Variants in SEC14L1 observed in about 807,000 individuals in gnomAD.
The protein encoded by SEC14L1 is SEC14-like protein 1.
In SEC14L1, 48 loss-of-function variants were observed where a neutral mutation model predicts 85.3. That is an observed-to-expected ratio of 0.56 (90% confidence interval 0.45 to 0.72). The LOEUF (loss-of-function observed/expected upper bound fraction) is 0.72, where lower values mean the gene tolerates loss of function less well. SEC14L1 is among the 30% of genes least tolerant of loss of function. The probability of loss-of-function intolerance (pLI) is 0.00; values close to 1 mark genes in which losing one functional copy is unlikely to be tolerated. For missense variants in SEC14L1, 682 were observed against 921.4 expected (o/e 0.74, Z 3.36); for synonymous variants, 391 against 355.5 (o/e 1.10, Z -1.12).
At chr17:77,190,261 G>C (rs1975461805) in intron 3 of SEC14L1, among the ~76,000 whole-genome samples, 1 of 152,104 alleles carries the variant, frequency 6.6e-6, no homozygotes, top group South Asian at 2.1e-4. Flanking sequence ...CATCTCTGTT[G>C]AAAATCAGTC....
Position 77,092,638 on chromosome 17 carries a change from A to G in SEC14L1, c.-239-606A>G, listed in dbSNP as rs569596790. Among the ~76,000 whole-genome samples the G allele has an allele frequency of 2.2e-4, 33 of 152,266 alleles. 1 individual carries two copies. Among genetic ancestry groups the G allele is most frequent in the African/African-American group, 7.7e-4 (32 of 41,562 alleles). On this transcript the variant is annotated intron_variant, in intron 2 of 19. Coordinates refer to the SEC14L1 transcript ENST00000392476. Reference sequence around the variant, plus strand: ...TTCTAAGGGCAACGTGGTGGTCTACAGATGACAGCCTGGAGAAAGATGGGT... The same window carrying G: ...TTCTAAGGGCAACGTGGTGGTCTACGGATGACAGCCTGGAGAAAGATGGGT...
chr17:77,155,177 G>GC (rs1329783875), intron 3 of SEC14L1, among the ~76,000 whole-genome samples: 1 of 152,016 alleles, frequency 6.6e-6, no homozygotes, highest in Non-Finnish European at 1.5e-5. Flanking sequence ...CACCCGAGAT[G>GC]CCCCCCAGGA....
intron 3 of SEC14L1, among the ~76,000 whole-genome samples, chr17:77,188,210 C>G (rs1354030405): frequency 6.6e-6 from 1 of 152,228 alleles, no homozygotes; most frequent in Non-Finnish European, 1.5e-5. Context: ...CCAGCACAGT[C>G]AGGATGCTGC....
chr17:77,102,495 CTTCTTTT>C (rs1373785717), intron 3 of SEC14L1, among the ~76,000 whole-genome samples: 1 of 151,820 alleles, frequency 6.6e-6, no homozygotes, highest in Non-Finnish European at 1.5e-5. Context: ...TTTTCTTTCT[CTTCTTTT>C]TTCTTTTTTT....
intron 3 of SEC14L1, among the ~76,000 whole-genome samples, chr17:77,171,590 G>A (rs73376384): frequency 0.029 from 4,423 of 152,262 alleles, 210 homozygotes; most frequent in African/African-American, 0.1. Context: ...CTAAGTTACT[G>A]TTAATGAGGC....
At chr17:77,147,204 C>T (rs1304577603) in intron 3 of SEC14L1, among the ~76,000 whole-genome samples, 2 of 152,088 alleles carry the variant, frequency 1.3e-5, no homozygotes, top group Non-Finnish European at 2.9e-5. Flanking sequence ...CAACTTAATG[C>T]CTTTGTTTGT....
At chr17:77,091,389 C>T (rs969759042) in intron 2 of SEC14L1, among the ~76,000 whole-genome samples, 2 of 151,966 alleles carry the variant, frequency 1.3e-5, no homozygotes, top group Admixed American at 6.6e-5. Flanking sequence ...TGCCCTGCCC[C>T]TTTATGGGTT....
At chr17:77,120,546 G>A (rs1227048954) in intron 3 of SEC14L1, among the ~76,000 whole-genome samples, 5 of 151,730 alleles carry the variant, frequency 3.3e-5, no homozygotes, top group East Asian at 1.9e-4. Context: ...GCACGATCTC[G>A]GCTCACTGTA....
Position 77,206,436 on chromosome 17 carries a change from A to AT in SEC14L1, c.1341+39dup. 1.3e-6 allele frequency: 2 copies of AT among 1,598,106 alleles called. No homozygotes were observed. The highest frequency in any genetic ancestry group is 8.6e-7 in the Non-Finnish European group (1 of 1,168,536). On this transcript the variant is annotated intron_variant, in intron 12 of 16. Transcript: ENST00000436233. This position sits in a 1 kb window ranked among gnomAD's most constrained non-coding sequence, Gnocchi z 4.3. ...ATGCTTTTTGCAGTAACTGTGAGCC[A>AT]TTTGGAAAGCAGATAACATGCATTC... is the stretch of plus-strand genomic sequence containing the variant.
At chr17:77,180,659 C>A (rs1210754014) in intron 3 of SEC14L1, among the ~76,000 whole-genome samples, 1 of 152,122 alleles carries the variant, frequency 6.6e-6, no homozygotes, top group East Asian at 1.9e-4. Flanking sequence ...GCACTTCTTT[C>A]CCTAGTTAAT....
At chr17:77,152,763 C>G (rs1434716159) in intron 3 of SEC14L1, 1 of 152,226 alleles carries the variant, frequency 6.6e-6, no homozygotes, top group Non-Finnish European at 1.5e-5. Flanking sequence ...ATACACAGTT[C>G]ACGTTCATGT....
At chr17:77,137,919 C>G (rs1464558099), upstream of SEC14L1, among the ~76,000 whole-genome samples, 2 of 152,214 alleles carry the variant, frequency 1.3e-5, no homozygotes. Context: ...TAGAGTCATT[C>G]ACACAGAGCT....
intron 3 of SEC14L1, among the ~76,000 whole-genome samples, chr17:77,096,951 C>T (rs1010432282): frequency 6.6e-6 from 1 of 152,182 alleles, no homozygotes; most frequent in Admixed American, 6.5e-5. Context: ...GGAATCAGTC[C>T]AGGTGTCTTG....
At chr17:77,196,167 T>A in intron 7 of SEC14L1, 35 bp from the exon 8 acceptor site, 1 of 1,520,242 alleles carries the variant, frequency 6.6e-7, no homozygotes, top group Non-Finnish European at 9.1e-7. Flanking sequence ...AGCTCCAGTG[T>A]TCTTTGTTGT....
chr17:77,206,540 A>G lies in SEC14L1; in HGVS notation c.1341+140A>G, dbSNP rs890219624. 3.9e-6 allele frequency: 5 copies of G among 1,295,278 alleles called. No individual in the cohort carries two copies. The highest frequency in any genetic ancestry group is 3.0e-5 in the African/African-American group (2 of 66,904). 80.2% of individuals were successfully genotyped at this position (1,295,278 alleles called of 1,614,324 possible). ...ACATGCAAAGATATAAAATTTCTCA[A>G]ATTGTTTAAGAAAGGGGAAAAACAA... On this transcript the variant is annotated intron_variant, in intron 12 of 16. Coordinates refer to ENST00000436233, the MANE Select transcript of SEC14L1 (RefSeq NM_001143998.2). This position sits in a 1 kb window ranked among gnomAD's most constrained non-coding sequence, Gnocchi z 4.3.
At chr17:77,146,152 T>G (rs1240712607) in intron 3 of SEC14L1, among the ~76,000 whole-genome samples, 2 of 152,034 alleles carry the variant, frequency 1.3e-5, no homozygotes, top group Non-Finnish European at 2.9e-5. Context: ...GCCTGACCCT[T>G]GTTCAGTGAG....
At chr17:77,203,888 C>T (rs935986418) in intron 10 of SEC14L1, among the ~76,000 whole-genome samples, 1 of 152,154 alleles carries the variant, frequency 6.6e-6, no homozygotes, top group Non-Finnish European at 1.5e-5. Flanking sequence ...CCCCGAGATG[C>T]CTGTGTAGCA....
chr17:77,146,325 T>C (rs752580902), intron 3 of SEC14L1, among the ~76,000 whole-genome samples: 3 of 152,240 alleles, frequency 2.0e-5, no homozygotes, highest in Non-Finnish European at 2.9e-5. Flanking sequence ...AAAAAGTTCA[T>C]GCAACCCTGA....
chr17:77,127,499 AC>A (rs1196924059), intron 3 of SEC14L1, among the ~76,000 whole-genome samples: 1 of 151,972 alleles, frequency 6.6e-6, no homozygotes. Context: ...ATAAGCACCC[AC>A]CACCACGCCT....
Sources: allele counts gnomAD v4.1 joint callset (sites outside exome capture counted in the v4.1 genomes callset), GRCh38; gene constraint gnomAD v4.1.1; non-coding constraint Gnocchi (gnomAD v3.1); transcripts MANE v1.5; gene names NCBI Gene and HGNC (gene_info 2026-07-23, HGNC 2026-07-21).